Variants in SCN11A observed in about 807,000 individuals in gnomAD.
SCN11A encodes sodium voltage-gated channel alpha subunit 11, also known as sodium channel protein type 11 subunit alpha.
A neutral mutation model predicts 162.2 loss-of-function variants in SCN11A; 122 were observed. The ratio of observed to expected loss-of-function variants is 0.75; its 90% CI spans 0.65 to 0.87. SCN11A has a LOEUF of 0.87. SCN11A is among the 40% of genes least tolerant of loss of function. The pLI is 0.00. For missense variants in SCN11A, 2,015 were observed against 2,181.6 expected, an observed-to-expected ratio of 0.92 and a Z score of 1.52; for synonymous variants, 758 against 751.5, an observed-to-expected ratio of 1.01 and a Z score of -0.14.
chr3:38,893,333 T>C (rs1367563946), intron 19 of SCN11A, among the ~76,000 whole-genome samples: 1 of 152,130 alleles, frequency 6.6e-6, no homozygotes, highest in Non-Finnish European at 1.5e-5. Flanking sequence ...TAAACATATA[T>C]ACACACCTAA....
intron 1 of SCN11A, among the ~76,000 whole-genome samples, chr3:39,033,566 T>C (rs1431341344): frequency 6.6e-6 from 1 of 152,192 alleles, no homozygotes; most frequent in Non-Finnish European, 1.5e-5. Flanking sequence ...AAGGCTGACC[T>C]AGGACTTGAA....
chr3:38,950,174 G>A lies in SCN11A; in HGVS notation c.189C>T (p.Pro63=), dbSNP rs975364189. 4.3e-6 allele frequency: 7 copies of A among 1,612,402 alleles called. No individual in the cohort carries two copies. Among genetic ancestry groups the A allele is most frequent in the Non-Finnish European group, 4.2e-6 (5 of 1,179,842 alleles). The change falls in exon 5 of 30, where the codon CCC becomes CCT. Residue 63 remains proline (P), a synonymous_variant. Coordinates refer to ENST00000302328, the MANE Select transcript of SCN11A (RefSeq NM_001349253.2). ...CACGAGGAATGTCGCCATAGAGCTT[G>A]GGCAACTTCCTGGAGGCCTTTAGGT... ...QLDLKASRKL[P]KLYGDIPREL...
chr3:38,882,281 T>C lies in SCN11A; in HGVS notation c.3219+952A>G, dbSNP rs111920187. On this transcript the variant is annotated intron_variant, in intron 22 of 29. Transcript: ENST00000302328. ...AGTGTAAAACACTAACCAGAAGCTA[T>C]GGGGTGTAGGAGCAAGACATTTCCT... 3.9e-3 allele frequency among the ~76,000 whole-genome samples: 598 copies of C among 152,264 alleles called. 3 individuals are homozygous for C. The highest frequency in any genetic ancestry group is 0.014 in the African/African-American group (575 of 41,554).
At chr3:38,910,727 C>A (rs1258386672) in intron 11 of SCN11A, among the ~76,000 whole-genome samples, 2 of 151,970 alleles carry the variant, frequency 1.3e-5, no homozygotes, top group East Asian at 3.9e-4. Flanking sequence ...CTTTTCATGT[C>A]TATAGTTCTA....
At chr3:38,938,830 C>A (rs2066396567) in intron 7 of SCN11A, among the ~76,000 whole-genome samples, 1 of 151,512 alleles carries the variant, frequency 6.6e-6, no homozygotes, top group Non-Finnish European at 1.5e-5. Flanking sequence ...TCCCAAAGCG[C>A]TGGGATTACA....
intron 14 of SCN11A, among the ~76,000 whole-genome samples, chr3:38,906,837 C>T (rs73828704): frequency 0.016 from 2,419 of 152,192 alleles, 67 homozygotes; most frequent in African/African-American, 0.056. Flanking sequence ...GCTTTGTTTT[C>T]GAGGTCTTTT....
Position 38,963,424 on chromosome 3 carries a change from G to GATAT in SCN11A, c.-279-3005_-279-3002dup, listed in dbSNP as rs60520043. 2.2e-3 allele frequency among the ~76,000 whole-genome samples: 138 copies of GATAT among 61,430 alleles called. 6 individuals are homozygous for GATAT. The highest frequency in any genetic ancestry group is 9.8e-3 in the South Asian group (16 of 1,632). 40.3% of individuals were successfully genotyped at this position (61,430 alleles called of 152,430 possible). A position where few individuals can be genotyped will look rare whatever the true frequency, so the allele number is the denominator to read the frequency against. The stretch of plus-strand genomic sequence containing the variant: ...TATATATATATATATATATGATGGA[G>GATAT]ATATATATATATATATATATGATGG... On this transcript the variant is annotated intron_variant, in intron 2 of 29. Coordinates refer to ENST00000302328, the MANE Select transcript of SCN11A (RefSeq NM_001349253.2).
chr3:39,020,377 T>G (rs1328562742), intron 2 of SCN11A, among the ~76,000 whole-genome samples: 1 of 152,224 alleles, frequency 6.6e-6, no homozygotes, highest in Non-Finnish European at 1.5e-5. Context: ...GCCTCAGAGT[T>G]TGCCTGAAGC....
intron 22 of SCN11A, among the ~76,000 whole-genome samples, chr3:38,881,658 G>A (rs527278772): frequency 1.3e-4 from 20 of 152,278 alleles, no homozygotes; most frequent in Admixed American, 9.8e-4. Context: ...AATACTCTGC[G>A]TTTCTAACAA....
intron 1 of SCN11A, among the ~76,000 whole-genome samples, chr3:39,033,154 A>G (rs1176708335): frequency 2.4e-5 from 3 of 126,496 alleles, no homozygotes; most frequent in South Asian, 2.4e-4. Flanking sequence ...TTGCATCTTG[A>G]AAAAAAAAAA....
intron 17 of SCN11A, 69 bp downstream of exon 17, chr3:38,899,825 G>A: frequency 2.4e-6 from 3 of 1,273,750 alleles, no homozygotes; most frequent in Non-Finnish European, 3.4e-6. Context: ...GATAACCACT[G>A]AACTCACTCA....
Position 38,871,459 on chromosome 3 carries a change from C to A in SCN11A, c.3745G>T (p.Ala1249Ser). 1 of 1,606,718 alleles carries A rather than the reference C, an allele frequency of 6.2e-7. No homozygotes were observed. Among genetic ancestry groups the A allele is most frequent in the South Asian group, 1.1e-5 (1 of 89,354 alleles). ...ACTGTACTTACCACTTGCAGCAGAG[C>A]GAGGTAAGCATTTCCCACATTGTCA... is the stretch of plus-strand genomic sequence containing the variant. ...NFDNVGNAYL[A>S]LLQVATFKGW... Residue 1249 changes from alanine to serine, a missense_variant, in exon 25 of 30, where the codon GCT (alanine) becomes TCT (serine). Ala to Ser is a moderately conservative substitution (Grantham distance 99). Transcript: ENST00000302328.
At position 38,991,659 on chromosome 3, in the gene SCN11A, G is replaced by A. The variant is rs147686698; in HGVS notation, c.-279-31236C>T. Among the ~76,000 whole-genome samples the A allele has an allele frequency of 1.7e-4, 26 of 152,306 alleles. No individual in the cohort carries two copies. The East Asian group carries it at 4.8e-3, about 28-fold the overall frequency. On this transcript the variant is annotated intron_variant, in intron 2 of 29. Transcript: ENST00000302328. ...TCCATTTTCACTGGACAATTTGGAA[G>A]CGGAGTTGATGTTAAGGTCAAATGT...
intron 3 of SCN11A, among the ~76,000 whole-genome samples, chr3:38,957,439 G>A (rs4676580): frequency 0.037 from 5,578 of 152,222 alleles, 211 homozygotes; most frequent in East Asian, 0.18. Context: ...TATCAAGCAC[G>A]ACAGGCTCCC....
At chr3:38,864,991 C>T (rs1269535651) in intron 27 of SCN11A, among the ~76,000 whole-genome samples, 3 of 152,064 alleles carry the variant, frequency 2.0e-5, no homozygotes, top group Non-Finnish European at 4.4e-5. Flanking sequence ...TCACATTAAA[C>T]TTTTTGGTGT....
intron 2 of SCN11A, among the ~76,000 whole-genome samples, chr3:38,987,295 T>TCACA (rs2030284109): frequency 8.6e-6 from 1 of 116,494 alleles, no homozygotes; most frequent in African/African-American, 4.7e-5. Context: ...TCTCTCTCTC[T>TCACA]CTCTCTCTCA....
chr3:38,997,063 A>G (rs897486431), intron 2 of SCN11A, among the ~76,000 whole-genome samples: 3 of 151,590 alleles, frequency 2.0e-5, no homozygotes, highest in Non-Finnish European at 4.4e-5. Flanking sequence ...CCTCTAATCT[A>G]TTCTCAACGT....
At chr3:38,880,439 A>C (rs965285049) in intron 22 of SCN11A, among the ~76,000 whole-genome samples, 1 of 152,034 alleles carries the variant, frequency 6.6e-6, no homozygotes, top group Non-Finnish European at 1.5e-5. Flanking sequence ...CATCTTTTCA[A>C]CTCCTGCCAA....
At chr3:38,947,869 C>T (rs2066541852) in intron 5 of SCN11A, among the ~76,000 whole-genome samples, 1 of 152,238 alleles carries the variant, frequency 6.6e-6, no homozygotes, top group South Asian at 2.1e-4. Context: ...CCTTTCTCCC[C>T]AACTGATGGC....
Sources: gnomAD v4.1 joint callset for allele counts (sites outside exome capture counted in the v4.1 genomes callset) on GRCh38, gnomAD v4.1.1 for gene constraint, MANE v1.5 for transcripts, NCBI Gene and HGNC (gene_info 2026-07-23, HGNC 2026-07-21) for gene names.